The following CDH12 variants were observed in gnomAD, a reference collection of about 807,000 sequenced individuals.
CDH12 encodes cadherin 12, also known as cadherin-12.
Under a neutral mutation model 74.1 loss-of-function variants are expected in CDH12, and 41 were observed. The observed-to-expected ratio is 0.55, with a 90% CI of 0.43 to 0.72. CDH12 has a LOEUF of 0.72. CDH12 is among the 30% of genes least tolerant of loss of function. The pLI, the probability that CDH12 is intolerant of heterozygous loss-of-function variation, is 0.00. For missense variants in CDH12, 945 were observed against 977.2 expected (o/e 0.97, Z 0.44); for synonymous variants, 399 against 355.0 (o/e 1.12, Z -1.39).
At chr5:22,192,018 C>T (rs1270377480) in intron 4 of CDH12, among the ~76,000 whole-genome samples, 12 of 152,178 alleles carry the variant, frequency 7.9e-5, no homozygotes, top group Non-Finnish European at 1.6e-4. Flanking sequence ...TCACAGCAAC[C>T]TCTGCCTCCA....
At chr5:22,139,373 G>A (rs1352341802) in intron 4 of CDH12, 6 of 118,734 alleles carry the variant, frequency 5.1e-5, no homozygotes, top group Non-Finnish European at 8.9e-5. Context: ...CGCTGGCAGA[G>A]CTGTGTGGTC....
At chr5:21,849,318 T>C (rs1472644908) in intron 7 of CDH12, among the ~76,000 whole-genome samples, 1 of 151,778 alleles carries the variant, frequency 6.6e-6, no homozygotes, top group African/African-American at 2.4e-5. Context: ...TGCTGATGTG[T>C]TCATCTCATG....
rs1316056796 is a variant in CDH12 at position 21,906,531 on chromosome 5, C to T, written c.527-51741G>A. ...ATAATAATCACAGTTGAGTCACTTTCTGACACTGCTGTCTTGCATGATTTA... is the reference window on the plus strand; with the variant it reads ...ATAATAATCACAGTTGAGTCACTTTTTGACACTGCTGTCTTGCATGATTTA... On this transcript the variant is annotated intron_variant, in intron 6 of 14. Transcript: ENST00000382254. Among the ~76,000 whole-genome samples the T allele has an allele frequency of 2.0e-4, 31 of 152,224 alleles. 1 individual carries two copies. The highest frequency in any genetic ancestry group is 2.0e-3 in the Admixed American group (31 of 15,278).
intron 5 of CDH12, among the ~76,000 whole-genome samples, chr5:22,049,988 G>A (rs187381703): frequency 2.0e-5 from 3 of 152,154 alleles, no homozygotes; most frequent in East Asian, 1.9e-4. Flanking sequence ...CAAAGACCAA[G>A]CTCCTTTCCA....
At chr5:21,756,199 G>A (rs1322145004) in intron 13 of CDH12, among the ~76,000 whole-genome samples, 1 of 151,976 alleles carries the variant, frequency 6.6e-6, no homozygotes, top group East Asian at 1.9e-4. Flanking sequence ...TACAAACTAT[G>A]AATCTGTAAA....
At chr5:22,838,834 A>G (rs139227530) in intron 1 of CDH12, among the ~76,000 whole-genome samples, 31 of 152,090 alleles carry the variant, frequency 2.0e-4, no homozygotes, top group Non-Finnish European at 3.7e-4. Context: ...ACACGCCACA[A>G]TGCCAGGCTA....
At chr5:22,076,777 T>C (rs1396252943) in intron 5 of CDH12, among the ~76,000 whole-genome samples, 1 of 152,124 alleles carries the variant, frequency 6.6e-6, no homozygotes, top group African/African-American at 2.4e-5. Context: ...TTCCTCAAAA[T>C]TTTCCAAGAC....
intron 1 of CDH12, among the ~76,000 whole-genome samples, chr5:22,511,629 C>T (rs1347554432): frequency 1.3e-5 from 2 of 152,202 alleles, no homozygotes; most frequent in Admixed American, 6.5e-5. Flanking sequence ...TCAATCATAT[C>T]GTGGGTTGGT....
At chr5:22,625,754 C>T (rs1417908660) in intron 1 of CDH12, among the ~76,000 whole-genome samples, 4 of 152,152 alleles carry the variant, frequency 2.6e-5, no homozygotes, top group African/African-American at 9.7e-5. Context: ...AGGGTGCTTC[C>T]TGGAGGCCCT....
intron 13 of CDH12, 31 bp downstream of exon 13, chr5:21,760,527 A>T (rs763341567): frequency 7.7e-6 from 8 of 1,033,456 alleles, no homozygotes; most frequent in Non-Finnish European, 1.2e-5. Context: ...GATACATGAT[A>T]AGAGGTAAAT....
At chr5:22,816,469 A>G (rs1749398533) in intron 1 of CDH12, among the ~76,000 whole-genome samples, 2 of 152,192 alleles carry the variant, frequency 1.3e-5, no homozygotes, top group South Asian at 4.1e-4. Context: ...GCAAATGGGA[A>G]TATTTCAGCA....
At chr5:22,491,939 C>T (rs2126641660) in intron 2 of CDH12, among the ~76,000 whole-genome samples, 1 of 152,286 alleles carries the variant, frequency 6.6e-6, no homozygotes, top group Non-Finnish European at 1.5e-5. Flanking sequence ...ATGTCCTCTT[C>T]TTATGGGACA....
chr5:22,768,465 G>T (rs2127066544), intron 1 of CDH12, among the ~76,000 whole-genome samples: 1 of 152,092 alleles, frequency 6.6e-6, no homozygotes, highest in African/African-American at 2.4e-5. Flanking sequence ...TGATCTAGAT[G>T]GGTTTAAGGT....
chr5:21,782,209 T>C (rs8180413), intron 11 of CDH12, among the ~76,000 whole-genome samples: 4,708 of 152,270 alleles, frequency 0.031, 174 homozygotes, highest in East Asian at 0.15. Context: ...CTCTCTAGTA[T>C]GGCAGCCTCT....
chr5:22,279,535 C>A (rs1361449758), intron 3 of CDH12, among the ~76,000 whole-genome samples: 4 of 152,090 alleles, frequency 2.6e-5, no homozygotes, highest in Non-Finnish European at 5.9e-5. Flanking sequence ...CCTCCCCCCA[C>A]CGCACAACAG....
chr5:22,233,778 A>T (rs1306498723), intron 3 of CDH12, among the ~76,000 whole-genome samples: 2 of 152,180 alleles, frequency 1.3e-5, no homozygotes, highest in Non-Finnish European at 2.9e-5. Context: ...ATTCCAAGAC[A>T]ACACACAGAA....
intron 3 of CDH12, among the ~76,000 whole-genome samples, chr5:22,329,620 A>G (rs1262828191): frequency 6.6e-6 from 1 of 152,228 alleles, no homozygotes; most frequent in African/African-American, 2.4e-5. Context: ...TGAAAAGAGT[A>G]AGACAGACAG....
chr5:22,272,375 T>C (rs1736437625), intron 3 of CDH12, among the ~76,000 whole-genome samples: 1 of 152,226 alleles, frequency 6.6e-6, no homozygotes, highest in Non-Finnish European at 1.5e-5. Context: ...TTTTATCTTC[T>C]TTTCAGACCA....
intron 2 of CDH12, among the ~76,000 whole-genome samples, chr5:22,417,240 A>G (rs540597213): frequency 1.3e-5 from 2 of 152,346 alleles, no homozygotes; most frequent in South Asian, 2.1e-4. Flanking sequence ...TATGGTTTCA[A>G]TGGGTCCACT....
Sources: gnomAD v4.1 joint callset for allele counts (sites outside exome capture counted in the v4.1 genomes callset) on GRCh38, gnomAD v4.1.1 for gene constraint, MANE v1.5 for transcripts, NCBI Gene and HGNC (gene_info 2026-07-23, HGNC 2026-07-21) for gene names.